The following MRPL22 variants were observed in gnomAD, a reference collection of about 807,000 sequenced individuals.
MRPL22 encodes mitochondrial ribosomal protein L22, also known as large ribosomal subunit protein uL22m.
MRPL22 carries 27 observed loss-of-function variants against 32.4 expected under a neutral mutation model. The ratio of observed to expected loss-of-function variants is 0.83; its 90% CI spans 0.61 to 1.15. The LOEUF (loss-of-function observed/expected upper bound fraction) is 1.15, where lower values mean the gene tolerates loss of function less well. Among genes scored for constraint, MRPL22 ranks in the 50% most tolerant of loss-of-function variants. The pLI, the probability that MRPL22 is intolerant of heterozygous loss-of-function variation, is 0.00. For synonymous variants in MRPL22, 86 were observed against 87.3 expected, an observed-to-expected ratio of 0.99 and a Z score of 0.08; for missense variants, 239 against 260.2, an observed-to-expected ratio of 0.92 and a Z score of 0.56.
At position 154,967,111 on chromosome 5, in the gene MRPL22, C is replaced by A; in HGVS notation, c.*214C>A. 3.4e-6 allele frequency: 2 copies of A among 583,906 alleles called. No individual in the cohort carries two copies. The highest frequency in any genetic ancestry group is 6.0e-5 in the East Asian group (2 of 33,568). 36.2% of individuals were successfully genotyped at this position (583,906 alleles called of 1,614,324 possible). On this transcript the variant is annotated 3_prime_UTR_variant, in exon 7 of 7. Transcript: ENST00000523037. This position sits in a 1 kb window ranked among gnomAD's most constrained non-coding sequence, Gnocchi z 4.7. ...TTTGCGACTTGGAAGGGGAAATCAG[C>A]TTTAAACATAGTAACAGACTATATT...
intron 6 of MRPL22, among the ~76,000 whole-genome samples, chr5:154,963,180 C>T (rs966672094): frequency 6.6e-6 from 1 of 152,196 alleles, no homozygotes; most frequent in Admixed American, 6.5e-5. Flanking sequence ...CTCAGGTGAT[C>T]CACCTGCCTC....
intron 6 of MRPL22, among the ~76,000 whole-genome samples, chr5:154,962,796 T>G (rs1709225537): frequency 2.0e-5 from 3 of 152,126 alleles, no homozygotes; most frequent in Non-Finnish European, 4.4e-5. Context: ...TTAGGGAAAG[T>G]GATCAACTGA....
chr5:154,941,880 A>C lies in MRPL22; in HGVS notation c.77+615A>C, dbSNP rs567840882. Among the ~76,000 whole-genome samples, 26 of 152,336 alleles carry C rather than the reference A, an allele frequency of 1.7e-4. No homozygotes were observed. In the South Asian group the frequency reaches 5.4e-3, roughly 32 times the overall value. On this transcript the variant is annotated intron_variant, in intron 2 of 6. Transcript: ENST00000523037. ...CGCTGTATTTCTCCCCAAAATAAAA[A>C]ATCGGTATTTGAAAATTGATAATCT...
At chr5:154,962,843 G>T (rs1764722148) in intron 6 of MRPL22, among the ~76,000 whole-genome samples, 1 of 152,178 alleles carries the variant, frequency 6.6e-6, no homozygotes, top group South Asian at 2.1e-4. Flanking sequence ...GAGTGATGAA[G>T]GTGGGAGCGG....
At chr5:154,963,827 G>A (rs1209910524) in intron 6 of MRPL22, among the ~76,000 whole-genome samples, 1 of 152,192 alleles carries the variant, frequency 6.6e-6, no homozygotes, top group Non-Finnish European at 1.5e-5. Flanking sequence ...TAGTCGTGGA[G>A]ACTTTCTAGA....
rs1168505743 is a variant in MRPL22, at chr5:154,941,093, G to A, written c.-18G>A. 1.2e-6 allele frequency: 2 copies of A among 1,613,450 alleles called. No individual in the cohort carries two copies. The highest frequency in any genetic ancestry group is 8.5e-7 in the Non-Finnish European group (1 of 1,180,010). ...AAGGCGCTTGAACTCGGCGGCTTCC[G>A]TAGCGGGAGGGCGAAAGATGGCGGC... On this transcript the variant is annotated 5_prime_UTR_variant, in exon 1 of 7. Transcript: ENST00000523037.
intron 6 of MRPL22, among the ~76,000 whole-genome samples, chr5:154,964,231 T>C (rs901725004): frequency 6.6e-5 from 10 of 152,232 alleles, no homozygotes; most frequent in Non-Finnish European, 4.4e-5. Flanking sequence ...CACTATATCC[T>C]TGGAGCCCAG....
In MRPL22 at chr5:154,967,091, G is replaced by A. The variant is rs893344397; in HGVS notation, c.*194G>A. 9.4e-6 allele frequency: 6 copies of A among 636,454 alleles called. No homozygotes were observed. Among genetic ancestry groups the A allele is most frequent in the South Asian group, 2.1e-5 (1 of 47,624 alleles). 39.4% of individuals were successfully genotyped at this position (636,454 alleles called of 1,614,324 possible). ...TCTGGGCATATTTGTATGCATTTGC[G>A]ACTTGGAAGGGGAAATCAGCTTTAA... On this transcript the variant is annotated 3_prime_UTR_variant, in exon 7 of 7. Coordinates refer to ENST00000523037, the MANE Select transcript of MRPL22 (RefSeq NM_014180.4). The surrounding 1 kb of genome is among the most constrained non-coding windows in gnomAD (Gnocchi z 4.7).
In MRPL22 at chr5:154,957,169, A is replaced by T; in HGVS notation, c.296A>T (p.Gln99Leu). Residue 99 changes from glutamine (Q) to leucine (L), a missense_variant, in exon 5 of 7, where the codon CAG becomes CTG. By Grantham distance (113) the Gln-to-Leu change is moderately radical (BLOSUM62 -2). Transcript: ENST00000523037. ...ATGTCTATTGACCAGGCTTTGGCTC[A>T]GTTGGAATTCAATGACAAAAAAGGG... is the stretch of plus-strand genomic sequence containing the variant. ...RGMSIDQALA[Q>L]LEFNDKKGAK... is the part of the protein sequence containing the mutation. 6.2e-7 allele frequency: 1 copy of T among 1,613,794 alleles called. No homozygotes were observed. Among genetic ancestry groups the T allele is most frequent in the Non-Finnish European group, 8.5e-7 (1 of 1,179,736 alleles).
intron 2 of MRPL22, among the ~76,000 whole-genome samples, chr5:154,949,807 T>C (rs1764534893): frequency 6.6e-6 from 1 of 152,142 alleles, no homozygotes; most frequent in Non-Finnish European, 1.5e-5. Flanking sequence ...GGGATCTTCA[T>C]CATCAAGTCT....
chr5:154,955,322 A>C (rs1429006727), intron 3 of MRPL22: 2 of 152,200 alleles, frequency 1.3e-5, no homozygotes, highest in Admixed American at 1.3e-4. Context: ...GGCATTTGAA[A>C]ATTTCCAGCA....
At position 154,965,143 on chromosome 5, in the gene MRPL22, G is replaced by A. The variant is rs192412684; in HGVS notation, c.410-1543G>A. On this transcript the variant is annotated intron_variant, in intron 6 of 6. Coordinates refer to ENST00000523037, the MANE Select transcript of MRPL22 (RefSeq NM_014180.4). ...GCTTTCTCTTTGGCAAAGCTAGGAA[G>A]CTTCTGCTGAAACCCACTTCACTAG... Among the ~76,000 whole-genome samples, 1,425 of 152,308 alleles carry A rather than the reference G, an allele frequency of 9.4e-3. 19 individuals carry two copies. Among genetic ancestry groups the A allele is most frequent in the Non-Finnish European group, 0.016 (1,087 of 68,016 alleles).
rs1561744350 is a variant in MRPL22, at chr5:154,967,597, G to A, written c.*700G>A. ...AGGGTAAATTCAATTACTGAGAGAG[G>A]AATTGAACCAATCTCAGCATTGCAT... On this transcript the variant is annotated 3_prime_UTR_variant, in exon 7 of 7. Transcript: ENST00000523037. This position sits in a 1 kb window ranked among gnomAD's most constrained non-coding sequence, Gnocchi z 4.7. 6.6e-6 allele frequency: 1 copy of A among 152,202 alleles called. No individual in the cohort carries two copies. The highest frequency in any genetic ancestry group is 1.9e-4 in the East Asian group (1 of 5,202). The allele number at this position is 152,202 out of a possible 1,614,324, so 9.4% of individuals were successfully genotyped here. A position where few individuals can be genotyped will look rare whatever the true frequency, so the allele number is the denominator to read the frequency against.
intron 2 of MRPL22, among the ~76,000 whole-genome samples, chr5:154,949,670 A>G (rs1764533584): frequency 6.6e-6 from 1 of 152,216 alleles, no homozygotes; most frequent in African/African-American, 2.4e-5. Context: ...ACACCATTCA[A>G]GAGTGATTTT....
Position 154,967,018 on chromosome 5 carries a change from C to A in MRPL22, c.*121C>A. ...GAATTATTGAAACAGTGTATAACTG[C>A]TAGTTGTAAATGAATATTTATAAGG... On this transcript the variant is annotated 3_prime_UTR_variant, in exon 7 of 7. Transcript: ENST00000523037. This position sits in a 1 kb window ranked among gnomAD's most constrained non-coding sequence, Gnocchi z 4.7. 9.5e-7 allele frequency: 1 copy of A among 1,052,202 alleles called. No homozygotes were observed. Among genetic ancestry groups the A allele is most frequent in the Non-Finnish European group, 1.3e-6 (1 of 747,400 alleles). 65.2% of individuals were successfully genotyped at this position (1,052,202 alleles called of 1,614,324 possible). A position where few individuals can be genotyped will look rare whatever the true frequency, so the allele number is the denominator to read the frequency against.
At chr5:154,946,642 C>T (rs976117361) in intron 2 of MRPL22, among the ~76,000 whole-genome samples, 12 of 151,960 alleles carry the variant, frequency 7.9e-5, no homozygotes, top group Non-Finnish European at 1.6e-4. Context: ...GGTGAAACCC[C>T]GTCTCTACTA....
chr5:154,946,787 T>C (rs1354171754), intron 2 of MRPL22, among the ~76,000 whole-genome samples: 1 of 152,174 alleles, frequency 6.6e-6, no homozygotes, highest in African/African-American at 2.4e-5. Flanking sequence ...CACCATTGCA[T>C]TCCAGCCTGG....
At chr5:154,943,563 A>G (rs1387446429) in intron 2 of MRPL22, among the ~76,000 whole-genome samples, 6 of 62,696 alleles carry the variant, frequency 9.6e-5, no homozygotes, top group Non-Finnish European at 1.9e-4. Context: ...ACATTTCTGC[A>G]GGATATATAT....
chr5:154,960,780 G>C (rs1219429863), intron 6 of MRPL22, among the ~76,000 whole-genome samples: 1 of 152,154 alleles, frequency 6.6e-6, no homozygotes, highest in Non-Finnish European at 1.5e-5. Context: ...CCAACACCAT[G>C]GGAAAGTGGA....
Sources: allele counts gnomAD v4.1 joint callset (sites outside exome capture counted in the v4.1 genomes callset), GRCh38; gene constraint gnomAD v4.1.1; non-coding constraint Gnocchi (gnomAD v3.1); transcripts MANE v1.5; gene names NCBI Gene and HGNC (gene_info 2026-07-23, HGNC 2026-07-21).